EGF: variants seen among roughly 807,000 people sequenced by gnomAD.
EGF encodes epidermal growth factor.
In EGF, 95 loss-of-function variants were observed where a neutral mutation model predicts 143.8. That is an observed-to-expected ratio of 0.66 (90% CI 0.56 to 0.78). The LOEUF (loss-of-function observed/expected upper bound fraction) is 0.78. Ranked by LOEUF, EGF falls within the 30% of genes least tolerant of loss-of-function variation. The pLI is 0.00. For synonymous variants in EGF, 510 were observed against 510.5 expected, an observed-to-expected ratio of 1.00 and a Z score of 0.01; for missense variants, 1,320 against 1,470.9, an observed-to-expected ratio of 0.90 and a Z score of 1.68.
chr4:109,972,407 C>T (rs530744490), intron 11 of EGF, among the ~76,000 whole-genome samples: 3 of 151,944 alleles, frequency 2.0e-5, no homozygotes, highest in African/African-American at 7.3e-5. Context: ...TAATTCCTGC[C>T]CGAAACAGAA....
chr4:109,971,219 A>C (rs995227311), intron 11 of EGF, among the ~76,000 whole-genome samples: 12 of 152,214 alleles, frequency 7.9e-5, no homozygotes, highest in African/African-American at 2.9e-4. Context: ...ATAAAGATGT[A>C]CCACCGCCCC....
In EGF at chr4:110,013,635, C is replaced by T. The variant is rs780570750; in HGVS notation, c.*2180C>T. Among the ~76,000 whole-genome samples the T allele has an allele frequency of 2.6e-5, 4 of 151,980 alleles. No homozygotes were observed. The highest frequency in any genetic ancestry group is 6.6e-5 in the Admixed American group (1 of 15,262). On this transcript the variant is annotated 3_prime_UTR_variant, in exon 24 of 24. Coordinates refer to ENST00000265171, the MANE Select transcript of EGF (RefSeq NM_001963.6). ...GTTTTTTCCAGACTGAATACTTTTCCTCCCTAACTCTCATCGTCTCATTGC... is the reference window on the plus strand; with the variant it reads ...GTTTTTTCCAGACTGAATACTTTTCTTCCCTAACTCTCATCGTCTCATTGC...
In EGF at chr4:109,913,360, T is replaced by C. The variant is rs769874259; in HGVS notation, c.25T>C (p.Leu9=). The change falls in exon 1 of 24, where the codon TTG becomes CTG. Residue 9 remains leucine (L), a synonymous_variant. Transcript: ENST00000265171. ...TATGCTGCTCACTCTTATCATTCTG[T>C]TGCCAGTAGTTTCAAAATTTAGTTT... MLLTLIIL[L]PVVSKFSFVS... is the part of the protein sequence containing the mutation. 4.7e-5 allele frequency: 76 copies of C among 1,613,886 alleles called. No individual in the cohort carries two copies. The highest frequency in any genetic ancestry group is 5.8e-5 in the Non-Finnish European group (69 of 1,179,910).
At chr4:109,925,608 C>T (rs559897746) in intron 1 of EGF, among the ~76,000 whole-genome samples, 3 of 152,142 alleles carry the variant, frequency 2.0e-5, no homozygotes, top group South Asian at 2.1e-4. Context: ...ATGAGTACTC[C>T]GTCTCCAATG....
In EGF at chr4:109,963,142, T is replaced by C. The variant is rs1745983831; in HGVS notation, c.1313-31T>C. Reference sequence around the variant, plus strand: ...AAAAATAATTATATTTTGGATGACGTAGCATCATTACTAAGCAATTGTTTT... The same window carrying C: ...AAAAATAATTATATTTTGGATGACGCAGCATCATTACTAAGCAATTGTTTT... On this transcript the variant is annotated intron_variant, in intron 8 of 23. Transcript: ENST00000265171. 6 of 1,612,750 alleles carry C rather than the reference T, an allele frequency of 3.7e-6. No individual in the cohort carries two copies. The East Asian group carries it at 1.3e-4, about 36-fold the overall frequency.
Position 110,008,168 on chromosome 4 carries a change from A to G in EGF, c.3308A>G (p.Glu1103Gly). The G allele has an allele frequency of 6.2e-7, 1 of 1,614,040 alleles. No individual in the cohort carries two copies. Among genetic ancestry groups the G allele is most frequent in the Non-Finnish European group, 8.5e-7 (1 of 1,179,942 alleles). ...TGTCTGCAGTTTGTGGTTATAAAAG[A>G]ACACCAAGACCTCAAGAATGGGGGT... ...CPQPWFVVIKEHQDLKNGGQP... is the reference protein window; with the variant it reads ...CPQPWFVVIKGHQDLKNGGQP... Residue 1103 changes from glutamate to glycine, a missense_variant, in exon 23 of 24, where the codon GAA becomes GGA. Glu to Gly is a moderately conservative substitution (Grantham distance 98). Transcript: ENST00000265171.
intron 1 of EGF, among the ~76,000 whole-genome samples, chr4:109,940,605 A>G (rs1181622633): frequency 1.3e-5 from 2 of 152,230 alleles, no homozygotes; most frequent in Admixed American, 6.5e-5. Flanking sequence ...TTACACTTAT[A>G]TAAATCCTTT....
chr4:110,003,373 A>G (rs1487986183), intron 21 of EGF, among the ~76,000 whole-genome samples: 1 of 152,158 alleles, frequency 6.6e-6, no homozygotes, highest in Non-Finnish European at 1.5e-5. Context: ...GGTACAAATT[A>G]TAACGTTGTA....
At chr4:109,959,671 A>G (rs1382149310) in intron 6 of EGF, among the ~76,000 whole-genome samples, 1 of 152,148 alleles carries the variant, frequency 6.6e-6, no homozygotes, top group Non-Finnish European at 1.5e-5. Context: ...GTGTTTCTAG[A>G]TCAAACACTG....
chr4:110,004,720 G>A, intron 22 of EGF, 98 bp downstream of exon 22: 2 of 876,360 alleles, frequency 2.3e-6, no homozygotes, highest in South Asian at 2.7e-5. Context: ...ACTGGAATCA[G>A]TTATAGCTTC....
chr4:110,001,982 A>T (rs1349897576), intron 21 of EGF: 1 of 985,368 alleles, frequency 1.0e-6, no homozygotes, highest in African/African-American at 1.7e-5. Flanking sequence ...CTATAGATCA[A>T]TTCTGACAAG....
chr4:109,942,233 A>G (rs1268399176), intron 2 of EGF, among the ~76,000 whole-genome samples: 1 of 152,252 alleles, frequency 6.6e-6, no homozygotes, highest in Non-Finnish European at 1.5e-5. Flanking sequence ...TTAGGAAAGG[A>G]TCAGCCTGTT....
intron 3 of EGF, 152 bp from the exon 4 acceptor site, chr4:109,943,690 G>T: frequency 1.3e-6 from 1 of 772,846 alleles, no homozygotes; most frequent in East Asian, 2.7e-5. Context: ...CACTTGTAAT[G>T]TCTACAATAG....
intron 10 of EGF, among the ~76,000 whole-genome samples, chr4:109,966,098 T>C (rs6818260): frequency 0.038 from 5,751 of 152,030 alleles, 324 homozygotes; most frequent in East Asian, 0.19. Flanking sequence ...ACAGTTGTCT[T>C]ACATGGATAG....
rs1747142303 is a variant in EGF, at chr4:109,969,109, A to G, written c.1714A>G (p.Thr572Ala). ...VDWIGRRFYW[T>A]DRGKSLIGRS... ...CTGGATTGGCCGTAGATTCTATTGG[A>G]CAGACAGAGGGTATGTTTTCTGCTT... Residue 572 changes from threonine to alanine, a missense_variant, in exon 11 of 24, where the codon ACA (threonine) becomes GCA (alanine). By Grantham distance (58) the Thr-to-Ala change is moderately conservative. Coordinates refer to ENST00000265171, the MANE Select transcript of EGF (RefSeq NM_001963.6). The G allele has an allele frequency of 6.2e-7, 1 of 1,613,994 alleles. No individual in the cohort carries two copies. Among genetic ancestry groups the G allele is most frequent in the Admixed American group, 1.7e-5 (1 of 59,996 alleles).
chr4:109,992,710 A>G (rs1368668742), intron 18 of EGF, among the ~76,000 whole-genome samples: 1 of 152,052 alleles, frequency 6.6e-6, no homozygotes, highest in East Asian at 1.9e-4. Context: ...ATGTCCAACA[A>G]TGATAGACTG....
Position 109,943,754 on chromosome 4 carries a change from G to A in EGF, c.510-88G>A, listed in dbSNP as rs895624761. The stretch of plus-strand genomic sequence containing the variant: ...CATTCAAAATAGTCAAACTTGCCCT[G>A]TGAAGGAGCTGCTGAAACATTGAGA... On this transcript the variant is annotated intron_variant, in intron 3 of 23. Transcript: ENST00000265171. The A allele has an allele frequency of 2.0e-5, 23 of 1,142,184 alleles. No homozygotes were observed. In the African/African-American group the frequency reaches 3.4e-4, roughly 17 times the overall value. 70.8% of individuals were successfully genotyped at this position (1,142,184 alleles called of 1,614,324 possible). A position where few individuals can be genotyped will look rare whatever the true frequency, so the allele number is the denominator to read the frequency against.
At chr4:109,954,390 C>A (rs1744446159) in intron 5 of EGF, among the ~76,000 whole-genome samples, 3 of 152,118 alleles carry the variant, frequency 2.0e-5, no homozygotes, top group Admixed American at 2.0e-4. Flanking sequence ...TTTGTTGATT[C>A]ATTTACTTTT....
intron 5 of EGF, among the ~76,000 whole-genome samples, chr4:109,953,277 T>C (rs539094375): frequency 6.6e-6 from 1 of 152,344 alleles, no homozygotes; most frequent in South Asian, 2.1e-4. Flanking sequence ...CCACTGCAAG[T>C]TCCCCATCAG....
Sources: allele counts gnomAD v4.1 joint callset (sites outside exome capture counted in the v4.1 genomes callset), GRCh38; gene constraint gnomAD v4.1.1; transcripts MANE v1.5; gene names NCBI Gene and HGNC (gene_info 2026-07-23, HGNC 2026-07-21).